The following MEGF10 variants were observed in gnomAD, a reference collection of about 807,000 sequenced individuals.
MEGF10 encodes multiple epidermal growth factor-like domains protein 10.
MEGF10 carries 86 observed loss-of-function variants against 147.5 expected under a neutral mutation model. The observed-to-expected ratio is 0.58, with a 90% CI of 0.49 to 0.70. The LOEUF is 0.70. MEGF10 is among the 30% of genes least tolerant of loss of function. The pLI, the probability that MEGF10 is intolerant of heterozygous loss-of-function variation, is 0.00. For missense variants in MEGF10, 1,329 were observed against 1,487.3 expected, an observed-to-expected ratio of 0.89 and a Z score of 1.75; for synonymous variants, 478 against 525.5, an observed-to-expected ratio of 0.91 and a Z score of 1.24.
At chr5:127,233,084 G>A in the MEGF10 span, among the ~76,000 whole-genome samples, 1 of 152,184 alleles carries the variant, frequency 6.6e-6, no homozygotes, top group Non-Finnish European at 1.5e-5. Context: ...GCTCATTATG[G>A]TGGCCCTATT....
intron 1 of MEGF10, among the ~76,000 whole-genome samples, chr5:127,299,160 T>C (rs1337322980): frequency 2.0e-5 from 3 of 152,156 alleles, no homozygotes; most frequent in African/African-American, 4.8e-5. Flanking sequence ...TATTACTGAT[T>C]TAAAAAATAA....
chr5:127,339,272 C>A (rs1561580299), intron 3 of MEGF10, 51 bp downstream of exon 3: 1 of 1,231,202 alleles, frequency 8.1e-7, no homozygotes, highest in Non-Finnish European at 1.2e-6. Context: ...GGAATAGATT[C>A]TAATACAGAG....
intron 1 of MEGF10, among the ~76,000 whole-genome samples, chr5:127,291,369 C>T (rs1208009760): frequency 1.3e-5 from 2 of 152,098 alleles, no homozygotes; most frequent in Non-Finnish European, 2.9e-5. Flanking sequence ...TTCATTTTGC[C>T]GGGCGATATA....
intron 2 of MEGF10, among the ~76,000 whole-genome samples, chr5:127,333,510 CAA>C (rs5871249): frequency 1.6e-4 from 16 of 98,188 alleles, no homozygotes; most frequent in South Asian, 6.1e-4. Flanking sequence ...GACCCTGCCT[CAA>C]AAAAAATAAA....
At chr5:127,405,988 T>C (rs1764306339) in intron 8 of MEGF10, among the ~76,000 whole-genome samples, 2 of 152,190 alleles carry the variant, frequency 1.3e-5, no homozygotes, top group Non-Finnish European at 1.5e-5. Context: ...TTGGATAGAT[T>C]AGGCTGTTAG....
At chr5:127,271,603 C>T in the MEGF10 span, among the ~76,000 whole-genome samples, 5 of 151,820 alleles carry the variant, frequency 3.3e-5, no homozygotes, top group African/African-American at 1.2e-4. Flanking sequence ...TGGGAGGGAC[C>T]CAGTGGGTGG....
At chr5:127,407,390 T>A in intron 8 of MEGF10, among the ~76,000 whole-genome samples, 1 of 152,192 alleles carries the variant, frequency 6.6e-6, no homozygotes, top group East Asian at 1.9e-4. Flanking sequence ...ACTTACTTTT[T>A]TCCTTAAGTT....
intron 22 of MEGF10, among the ~76,000 whole-genome samples, chr5:127,452,679 C>T (rs1766199635): frequency 6.6e-6 from 1 of 152,194 alleles, no homozygotes; most frequent in African/African-American, 2.4e-5. Flanking sequence ...CCCAAACCCC[C>T]CACCATAAAT....
At chr5:127,239,264 T>A in the MEGF10 span, among the ~76,000 whole-genome samples, 1 of 151,432 alleles carries the variant, frequency 6.6e-6, no homozygotes, top group Non-Finnish European at 1.5e-5. Flanking sequence ...TTGGAACACA[T>A]GGGAAATTTT....
chr5:127,304,093 G>T (rs1247817173), intron 1 of MEGF10, among the ~76,000 whole-genome samples: 2 of 152,142 alleles, frequency 1.3e-5, no homozygotes, highest in African/African-American at 4.8e-5. Flanking sequence ...TCAGGTCTGA[G>T]CTCTCCTTAA....
rs1188777046 is a variant in MEGF10, at chr5:127,340,506, T to C, written c.219-24T>C. 2.5e-6 allele frequency: 4 copies of C among 1,581,842 alleles called. No homozygotes were observed. The South Asian group carries it at 3.3e-5, about 13-fold the overall frequency. On this transcript the variant is annotated intron_variant, in intron 3 of 24. Transcript: ENST00000503335. Reference sequence around the variant, plus strand: ...CTTTTCAGACTTTTATTATGTTTAATAGCTAATTTTTCCTTCTCTATAGAG... The same window carrying C: ...CTTTTCAGACTTTTATTATGTTTAACAGCTAATTTTTCCTTCTCTATAGAG...
intron 9 of MEGF10, among the ~76,000 whole-genome samples, chr5:127,415,307 T>C (rs1764716955): frequency 6.6e-6 from 1 of 152,212 alleles, no homozygotes; most frequent in African/African-American, 2.4e-5. Flanking sequence ...AAAAATGCCC[T>C]GGTTTAGACA....
chr5:127,234,988 C>T, the MEGF10 span, among the ~76,000 whole-genome samples: 17 of 152,154 alleles, frequency 1.1e-4, 2 homozygotes, highest in East Asian at 1.9e-3. Context: ...GGATTACAGG[C>T]GCATGCCACC....
intron 13 of MEGF10, among the ~76,000 whole-genome samples, chr5:127,432,848 G>A (rs938876030): frequency 6.6e-6 from 1 of 152,158 alleles, no homozygotes; most frequent in Non-Finnish European, 1.5e-5. Context: ...TTGGTGGCAC[G>A]TGTCAGTGCA....
intron 22 of MEGF10, among the ~76,000 whole-genome samples, chr5:127,452,522 C>T (rs1384288030): frequency 1.3e-5 from 2 of 152,140 alleles, no homozygotes; most frequent in Non-Finnish European, 2.9e-5. Context: ...CATTTTGCTA[C>T]AAGGAGTCAC....
rs1159539191 is a variant in MEGF10 at position 127,386,366 on chromosome 5, A to T, written c.413-10166A>T. On this transcript the variant is annotated intron_variant, in intron 5 of 24. Transcript: ENST00000503335. ...TTATTTGGTGCCTCTCAATTTGGCA[A>T]TGCTGTCCAGATTTTATTTATGACA... Among the ~76,000 whole-genome samples, 3 of 152,358 alleles carry T rather than the reference A, an allele frequency of 2.0e-5. No homozygotes were observed. The East Asian group carries it at 5.8e-4, about 29-fold the overall frequency.
At position 127,449,127 on chromosome 5, in the gene MEGF10, T is replaced by G. The variant is rs747935244; in HGVS notation, c.2885T>G (p.Leu962Arg). The change falls in exon 22 of 25, where the codon CTT (leucine) becomes CGT (arginine). Residue 962 changes from leucine to arginine, a missense_variant. Physicochemically the swap from Leu to Arg is moderately radical, Grantham distance 102 (BLOSUM62 -2). Coordinates refer to ENST00000503335, the MANE Select transcript of MEGF10 (RefSeq NM_001256545.2). ...AAAAACAATCAACTGTTTGTGAATCTTAAAAATGTGAACCCTGGGAAGAGA... is the reference window on the plus strand; with the variant it reads ...AAAAACAATCAACTGTTTGTGAATCGTAAAAATGTGAACCCTGGGAAGAGA... ...KSKNNQLFVN[L>R]KNVNPGKRGP... 1 of 1,614,150 alleles carries G rather than the reference T, an allele frequency of 6.2e-7. No individual in the cohort carries two copies. Among genetic ancestry groups the G allele is most frequent in the South Asian group, 1.1e-5 (1 of 91,064 alleles).
intron 5 of MEGF10, among the ~76,000 whole-genome samples, chr5:127,382,634 A>G (rs937098446): frequency 1.3e-5 from 2 of 152,218 alleles, no homozygotes; most frequent in African/African-American, 4.8e-5. Flanking sequence ...TTTTTAAGAC[A>G]GAAGATACTA....
chr5:127,321,347 G>A (rs905889588), intron 1 of MEGF10, among the ~76,000 whole-genome samples: 4 of 152,002 alleles, frequency 2.6e-5, no homozygotes, highest in Non-Finnish European at 4.4e-5. Context: ...ACTCTTGGGA[G>A]CCAAGTAAAT....
Sources: gnomAD v4.1 joint callset for allele counts (sites outside exome capture counted in the v4.1 genomes callset) on GRCh38, gnomAD v4.1.1 for gene constraint, MANE v1.5 for transcripts, NCBI Gene and HGNC (gene_info 2026-07-23, HGNC 2026-07-21) for gene names.